The following POLR3B variants were observed in gnomAD, a reference collection of about 807,000 sequenced individuals.
POLR3B encodes DNA-directed RNA polymerase III subunit RPC2.
A neutral mutation model predicts 147.4 loss-of-function variants in POLR3B; 96 were observed. The ratio of observed to expected loss-of-function variants is 0.65; its 90% CI spans 0.55 to 0.77. POLR3B has a LOEUF of 0.77. POLR3B is among the 30% of genes least tolerant of loss of function. The probability of loss-of-function intolerance (pLI) is 0.00; values close to 1 mark genes in which losing one functional copy is unlikely to be tolerated. For missense variants in POLR3B, 1,036 were observed against 1,413.5 expected (o/e 0.73, Z 4.28); for synonymous variants, 461 against 485.9 (o/e 0.95, Z 0.67).
chr12:106,446,417 C>CAAAAAAAAAAAAAA (rs10654233), intron 19 of POLR3B: 1 of 153,130 alleles, frequency 6.5e-6, no homozygotes, highest in Non-Finnish European at 1.3e-5. Flanking sequence ...CCTCTCCCCA[C>CAAAAAAAAAAAAAA]AAAAAAAAAA....
Position 106,369,304 on chromosome 12 carries a change from A to C in POLR3B, c.257A>C (p.Asp86Ala), listed in dbSNP as rs765643493. 6.2e-7 allele frequency: 1 copy of C among 1,600,442 alleles called. No individual in the cohort carries two copies. The highest frequency in any genetic ancestry group is 8.6e-7 in the Non-Finnish European group (1 of 1,167,498). The change falls in exon 5 of 28, where the codon GAT becomes GCT. Residue 86 changes from aspartate (D) to alanine (A), a missense_variant. Asp to Ala is a moderately radical substitution (Grantham distance 126). Around this residue, in one of 12 missense-constraint regions of POLR3B, gnomAD observed 150 missense variants for 145.5 expected, o/e 1.03. Coordinates refer to ENST00000228347, the MANE Select transcript of POLR3B (RefSeq NM_018082.6). ...CTTAATATCTATGTTGGGCTTCCTG[A>C]TGTTGAAGAAAGCTTCAATGTAACT... is the stretch of plus-strand genomic sequence containing the variant. ...KYLNIYVGLP[D>A]VEESFNVTRP...
intron 11 of POLR3B, among the ~76,000 whole-genome samples, chr12:106,407,632 C>A (rs1280427248): frequency 1.3e-5 from 2 of 152,002 alleles, no homozygotes; most frequent in Non-Finnish European, 2.9e-5. Context: ...GAGTTTGAGA[C>A]CAGCCTGACC....
chr12:106,417,306 G>A (rs552686420), intron 12 of POLR3B, among the ~76,000 whole-genome samples: 1 of 152,282 alleles, frequency 6.6e-6, no homozygotes, highest in South Asian at 2.1e-4. Flanking sequence ...ACTGATAGAG[G>A]GTCAGTGTGG....
At chr12:106,482,541 A>G (rs1299506279) in intron 23 of POLR3B, among the ~76,000 whole-genome samples, 2 of 152,106 alleles carry the variant, frequency 1.3e-5, no homozygotes, top group African/African-American at 4.8e-5. Flanking sequence ...CTTTAAAACA[A>G]CCAGTTCCTG....
rs143689990 is a variant in POLR3B at position 106,486,491 on chromosome 12, A to G, written c.2714-9564A>G. Among the ~76,000 whole-genome samples, 114 of 152,090 alleles carry G rather than the reference A, an allele frequency of 7.5e-4. 1 individual carries two copies. The highest frequency in any genetic ancestry group is 2.5e-3 in the African/African-American group (103 of 41,478). ...ATCTTACTCTGCTCCTGAGATTGCC[A>G]TATTCCCAGAGATTTCTCGTTGGAA... On this transcript the variant is annotated intron_variant, in intron 23 of 27. Coordinates refer to ENST00000228347, the MANE Select transcript of POLR3B (RefSeq NM_018082.6).
chr12:106,373,183 G>T (rs887047056), intron 6 of POLR3B, among the ~76,000 whole-genome samples: 9 of 152,112 alleles, frequency 5.9e-5, no homozygotes, highest in Non-Finnish European at 1.2e-4. Context: ...ACTACAATAG[G>T]TATGTTAAAA....
intron 10 of POLR3B, among the ~76,000 whole-genome samples, chr12:106,396,289 T>C (rs2036977976): frequency 6.6e-6 from 1 of 152,234 alleles, no homozygotes; most frequent in Non-Finnish European, 1.5e-5. Flanking sequence ...TATCTACTCA[T>C]GGTTCCTGCC....
At position 106,432,364 on chromosome 12, in the gene POLR3B, C is replaced by T; in HGVS notation, c.1511C>T (p.Thr504Ile). The T allele has an allele frequency of 1.9e-6, 3 of 1,613,694 alleles. 1 individual carries two copies. Among genetic ancestry groups the T allele is most frequent in the Non-Finnish European group, 8.5e-7 (1 of 1,179,630 alleles). ...TTGGCCCTTATGACACACATCACAA[C>T]TGATATGGAAGATGGACCCATTGTT... ...KNLALMTHIT[T>I]DMEDGPIVKL... The change falls in exon 15 of 28, where the codon ACT (threonine) becomes ATT (isoleucine). Residue 504 changes from threonine (T) to isoleucine (I), a missense_variant. This residue lies in a region of POLR3B where 177 missense variants were observed against 232.7 expected (regional missense o/e 0.76). Coordinates refer to ENST00000228347, the MANE Select transcript of POLR3B (RefSeq NM_018082.6).
chr12:106,477,315 C>G, intron 23 of POLR3B, among the ~76,000 whole-genome samples: 1 of 94,092 alleles, frequency 1.1e-5, no homozygotes, highest in Admixed American at 1.0e-4. Context: ...TTACTGCTGT[C>G]TTTTTGTTTG....
At chr12:106,509,194 C>T (rs2038736221) in intron 27 of POLR3B, among the ~76,000 whole-genome samples, 1 of 152,182 alleles carries the variant, frequency 6.6e-6, no homozygotes, top group Non-Finnish European at 1.5e-5. Context: ...ATGCTTTAAA[C>T]ACTGGAGGGA....
At chr12:106,456,046 C>T (rs1011067107) in intron 20 of POLR3B, among the ~76,000 whole-genome samples, 3 of 152,082 alleles carry the variant, frequency 2.0e-5, no homozygotes, top group South Asian at 2.1e-4. Flanking sequence ...CAGTAATAAG[C>T]GGCATTTAAT....
At chr12:106,444,677 A>G in intron 19 of POLR3B, 87 bp downstream of exon 19, 1 of 1,416,114 alleles carries the variant, frequency 7.1e-7, no homozygotes, top group Non-Finnish European at 9.8e-7. Flanking sequence ...CTTCACCAGT[A>G]TTATATGTTC....
At chr12:106,467,033 T>TA (rs2038016003) in intron 23 of POLR3B, among the ~76,000 whole-genome samples, 2 of 152,226 alleles carry the variant, frequency 1.3e-5, no homozygotes, top group Non-Finnish European at 2.9e-5. Flanking sequence ...ATCTATAAAT[T>TA]ACTTTTGGCA....
chr12:106,419,794 C>CTTTTTTTTTTTTTTTT (rs56756383), intron 12 of POLR3B, among the ~76,000 whole-genome samples: 3 of 88,942 alleles, frequency 3.4e-5, no homozygotes, highest in East Asian at 4.4e-4. Flanking sequence ...TTTAGTTTTG[C>CTTTTTTTTTTTTTTTT]TTTTTTTTTT....
intron 6 of POLR3B, among the ~76,000 whole-genome samples, 188 bp from the exon 7 acceptor site, chr12:106,376,171 G>A (rs931832311): frequency 2.0e-5 from 3 of 152,134 alleles, no homozygotes; most frequent in Non-Finnish European, 2.9e-5. Flanking sequence ...TGTACTAGAC[G>A]AGCAGCGTGC....
chr12:106,470,460 G>A (rs991424971), intron 23 of POLR3B, among the ~76,000 whole-genome samples: 30 of 152,044 alleles, frequency 2.0e-4, no homozygotes, highest in African/African-American at 5.3e-4. Context: ...CTGTCAACTC[G>A]TCAAACTCAT....
At chr12:106,400,219 G>C (rs987115813) in intron 10 of POLR3B, among the ~76,000 whole-genome samples, 2 of 152,088 alleles carry the variant, frequency 1.3e-5, no homozygotes, top group African/African-American at 4.8e-5. Flanking sequence ...AACCAACAAA[G>C]ATCAAAAGAG....
intron 23 of POLR3B, among the ~76,000 whole-genome samples, chr12:106,469,915 A>G (rs1183569301): frequency 6.6e-6 from 1 of 152,118 alleles, no homozygotes; most frequent in East Asian, 1.9e-4. Context: ...GGTGAATCTG[A>G]CAATTACATG....
chr12:106,465,791 C>G (rs1038087488), intron 23 of POLR3B, among the ~76,000 whole-genome samples: 1 of 152,196 alleles, frequency 6.6e-6, no homozygotes, highest in Non-Finnish European at 1.5e-5. Flanking sequence ...AGGACATGAA[C>G]TCATCCTTTT....
Sources: allele counts gnomAD v4.1 joint callset (sites outside exome capture counted in the v4.1 genomes callset), GRCh38; gene constraint gnomAD v4.1.1; regional missense constraint gnomAD v4.1.1; transcripts MANE v1.5; gene names NCBI Gene and HGNC (gene_info 2026-07-23, HGNC 2026-07-21).